The following SNX29 variants were observed in gnomAD, a reference collection of about 807,000 sequenced individuals.
SNX29 encodes sorting nexin-29.
A neutral mutation model predicts 102.1 loss-of-function variants in SNX29; 78 were observed. The observed-to-expected ratio is 0.76, with a 90% confidence interval of 0.64 to 0.92. The LOEUF is 0.92. Among genes scored for constraint, SNX29 ranks in the 40% least tolerant of loss-of-function variants. The probability of loss-of-function intolerance (pLI) is 0.00; values close to 1 mark genes in which losing one functional copy is unlikely to be tolerated. For missense variants in SNX29, 1,280 were observed against 1,061.7 expected (o/e 1.21, Z -2.86); for synonymous variants, 580 against 414.5 (o/e 1.40, Z -4.85).
At chr16:12,537,298 G>T (rs563833566) in intron 20 of SNX29, among the ~76,000 whole-genome samples, 1 of 152,214 alleles carries the variant, frequency 6.6e-6, no homozygotes, top group South Asian at 2.1e-4. Context: ...TACATGTTTG[G>T]ATTTTAGTAT....
chr16:12,258,809 G>T (rs2078649729), intron 14 of SNX29, among the ~76,000 whole-genome samples: 1 of 152,148 alleles, frequency 6.6e-6, no homozygotes, highest in Non-Finnish European at 1.5e-5. Flanking sequence ...TGTTAAAGGT[G>T]CCCAGTGTGG....
At chr16:12,154,390 C>T (rs956383936) in intron 13 of SNX29, among the ~76,000 whole-genome samples, 2 of 152,186 alleles carry the variant, frequency 1.3e-5, no homozygotes, top group African/African-American at 4.8e-5. Flanking sequence ...TCTGACACCC[C>T]TGAGGTGGAA....
At chr16:12,072,167 C>G (rs1463226174) in intron 10 of SNX29, among the ~76,000 whole-genome samples, 1 of 152,144 alleles carries the variant, frequency 6.6e-6, no homozygotes, top group Non-Finnish European at 1.5e-5. Context: ...ATTTCCTTCT[C>G]CTGCCTAATT....
chr16:12,542,994 C>A (rs575228106), intron 20 of SNX29, among the ~76,000 whole-genome samples: 2 of 152,100 alleles, frequency 1.3e-5, no homozygotes, highest in African/African-American at 2.4e-5. Flanking sequence ...ACTATGAAGT[C>A]CAGGGACTTG....
intron 13 of SNX29, among the ~76,000 whole-genome samples, chr16:12,157,459 C>T (rs768658522): frequency 5.9e-5 from 9 of 152,086 alleles, no homozygotes; most frequent in Non-Finnish European, 1.3e-4. Context: ...TTGCCCAGGG[C>T]GGGAGGTTTC....
intron 15 of SNX29, among the ~76,000 whole-genome samples, chr16:12,337,128 G>A (rs113898241): frequency 0.043 from 6,519 of 152,226 alleles, 450 homozygotes; most frequent in African/African-American, 0.15. Flanking sequence ...TTTGCATAAA[G>A]CATGTCACCT....
intron 11 of SNX29, among the ~76,000 whole-genome samples, chr16:12,101,436 T>C (rs1259215966): frequency 6.6e-6 from 1 of 151,174 alleles, no homozygotes; most frequent in Non-Finnish European, 1.5e-5. Flanking sequence ...CAGGCTGGAG[T>C]ACAGTGGCGT....
At chr16:12,337,530 C>T (rs572195073) in intron 15 of SNX29, among the ~76,000 whole-genome samples, 9 of 152,116 alleles carry the variant, frequency 5.9e-5, no homozygotes, top group African/African-American at 1.4e-4. Context: ...TCTGTAGAGA[C>T]GAGGTTTTGC....
At chr16:12,201,038 T>C (rs1239149282) in intron 14 of SNX29, among the ~76,000 whole-genome samples, 1 of 152,244 alleles carries the variant, frequency 6.6e-6, no homozygotes, top group Non-Finnish European at 1.5e-5. Flanking sequence ...AGTATAAAGA[T>C]GTGAATGTTT....
chr16:12,019,768 C>G (rs1249226512), intron 3 of SNX29, among the ~76,000 whole-genome samples: 1 of 151,750 alleles, frequency 6.6e-6, no homozygotes, highest in East Asian at 1.9e-4. Context: ...TCCCAAGTAG[C>G]TGGGATTACA....
At chr16:12,355,402 A>G (rs1285394976) in intron 15 of SNX29, among the ~76,000 whole-genome samples, 1 of 152,138 alleles carries the variant, frequency 6.6e-6, no homozygotes, top group African/African-American at 2.4e-5. Context: ...CGCACTGCAT[A>G]CAGTGTAGTT....
intron 11 of SNX29, among the ~76,000 whole-genome samples, chr16:12,108,858 C>G (rs1018489649): frequency 2.0e-5 from 3 of 152,112 alleles, no homozygotes; most frequent in Admixed American, 2.0e-4. Context: ...AGGCTGGGCA[C>G]AGTGGCTCAC....
intron 13 of SNX29, among the ~76,000 whole-genome samples, chr16:12,135,071 C>T (rs568832460): frequency 2.2e-4 from 34 of 152,308 alleles, no homozygotes; most frequent in African/African-American, 8.2e-4. Context: ...CATGTCCCAG[C>T]TCAAGCATAG....
At chr16:12,287,273 G>A (rs2079628585) in intron 15 of SNX29, among the ~76,000 whole-genome samples, 1 of 152,198 alleles carries the variant, frequency 6.6e-6, no homozygotes, top group African/African-American at 2.4e-5. Flanking sequence ...CAGCGTATGG[G>A]TTTCCAGCCT....
At chr16:12,014,835 G>C (rs1343224507) in intron 3 of SNX29, among the ~76,000 whole-genome samples, 3 of 151,770 alleles carry the variant, frequency 2.0e-5, no homozygotes, top group Non-Finnish European at 4.4e-5. Context: ...TCTGTACAAA[G>C]ATTAATTTGA....
chr16:12,291,735 C>A (rs142395888), intron 15 of SNX29, among the ~76,000 whole-genome samples: 52 of 152,296 alleles, frequency 3.4e-4, no homozygotes, highest in African/African-American at 1.1e-3. Context: ...CAGGGAAGAG[C>A]TCCATTGAGA....
At chr16:12,483,377 G>A (rs948213932) in intron 19 of SNX29, among the ~76,000 whole-genome samples, 1 of 150,436 alleles carries the variant, frequency 6.6e-6, no homozygotes, top group African/African-American at 2.5e-5. Context: ...GAGTGCAGTG[G>A]TGTGATCTCA....
chr16:12,130,767 G>A (rs2054430291), intron 13 of SNX29, among the ~76,000 whole-genome samples: 1 of 150,994 alleles, frequency 6.6e-6, no homozygotes, highest in African/African-American at 2.4e-5. Flanking sequence ...TGAAGTGGTA[G>A]CCTGTCCTAT....
At chr16:12,089,404 T>C (rs569353851) in intron 11 of SNX29, among the ~76,000 whole-genome samples, 2 of 152,190 alleles carry the variant, frequency 1.3e-5, no homozygotes, top group South Asian at 4.2e-4. Flanking sequence ...GTCCATAGTA[T>C]AATATGATCG....
Sources: allele counts gnomAD v4.1 joint callset (sites outside exome capture counted in the v4.1 genomes callset), GRCh38; gene constraint gnomAD v4.1.1; transcripts MANE v1.5; gene names NCBI Gene and HGNC (gene_info 2026-07-23, HGNC 2026-07-21).